The following ADSS2 variants were observed in gnomAD, a reference collection of about 807,000 sequenced individuals.
ADSS2 encodes adenylosuccinate synthase 2, also known as adenylosuccinate synthetase isozyme 2.
ADSS2 carries 30 observed loss-of-function variants against 60.0 expected under a neutral mutation model. The ratio of observed to expected loss-of-function variants is 0.50; its 90% confidence interval spans 0.37 to 0.68. The LOEUF is 0.68. ADSS2 is among the 30% of genes least tolerant of loss of function. ADSS2 has a pLI of 0.00. For synonymous variants in ADSS2, 187 were observed against 193.1 expected (o/e 0.97, Z 0.26); for missense variants, 373 against 554.8 (o/e 0.67, Z 3.29).
At chr1:244,445,953 T>C (rs1170496035) in intron 1 of ADSS2, among the ~76,000 whole-genome samples, 1 of 152,216 alleles carries the variant, frequency 6.6e-6, no homozygotes, top group Non-Finnish European at 1.5e-5. Flanking sequence ...CTTTGTCCTT[T>C]TGCTTTGAAT....
chr1:244,418,535 G>A (rs976339939), intron 9 of ADSS2, among the ~76,000 whole-genome samples: 6 of 152,012 alleles, frequency 3.9e-5, no homozygotes, highest in Admixed American at 2.6e-4. Context: ...TGCCCCAGCT[G>A]ATCTTGAACT....
At chr1:244,450,043 G>GT (rs1358566030) in intron 1 of ADSS2, among the ~76,000 whole-genome samples, 2 of 152,146 alleles carry the variant, frequency 1.3e-5, no homozygotes, top group Admixed American at 1.3e-4. Flanking sequence ...AGCTCAACCT[G>GT]AGCTATTTCC....
rs1360526795 is a variant in ADSS2 at position 244,444,339 on chromosome 1, CCCCG to C, written c.184-6575_184-6572del. ...GACCATCCCGGCTAAAACGGTGAAA[CCCCG>C]TCTCTACTAAAAATACAAAAAATTA... On this transcript the variant is annotated intron_variant, in intron 1 of 12. Transcript: ENST00000366535. Among the ~76,000 whole-genome samples the C allele has an allele frequency of 9.4e-3, 1,403 of 149,810 alleles. 31 individuals carry two copies. Among genetic ancestry groups the C allele is most frequent in the African/African-American group, 0.033 (1,334 of 40,744 alleles).
chr1:244,416,081 A>C lies in ADSS2; in HGVS notation c.1071-3T>G. 1 of 1,607,798 alleles carries C rather than the reference A, an allele frequency of 6.2e-7. No individual in the cohort carries two copies. The highest frequency in any genetic ancestry group is 8.5e-7 in the Non-Finnish European group (1 of 1,175,498). On this transcript the variant is annotated splice_polypyrimidine_tract_variant and splice_region_variant and intron_variant, in intron 10 of 12. Coordinates refer to ENST00000366535, the MANE Select transcript of ADSS2 (RefSeq NM_001126.5). ...TATCCAACTTGGTAAGTGCCAACCT[A>C]ATTTTGGAAGAAAAGGCAATGTTAA...
At chr1:244,425,414 T>G (rs1183045058) in intron 4 of ADSS2, among the ~76,000 whole-genome samples, 1 of 152,186 alleles carries the variant, frequency 6.6e-6, no homozygotes, top group Non-Finnish European at 1.5e-5. Context: ...ATAATTAAGT[T>G]GAAATGTGTA....
Position 244,451,838 on chromosome 1 carries a change from A to T in ADSS2, c.-21T>A. The T allele has an allele frequency of 2.6e-6, 4 of 1,551,382 alleles. No homozygotes were observed. The highest frequency in any genetic ancestry group is 3.5e-6 in the Non-Finnish European group (4 of 1,151,284). ...GCCATGGCTCCAGTGACGCGAGGAG[A>T]GCCCGAAGGAGAGGCGGCCGGCGAG... On this transcript the variant is annotated 5_prime_UTR_variant, in exon 1 of 13. Transcript: ENST00000366535. This position sits in a 1 kb window ranked among gnomAD's most constrained non-coding sequence, Gnocchi z 6.6.
In ADSS2 at chr1:244,415,963, T is replaced by A; in HGVS notation, c.1168+18A>T. ...TTCACCTTATAATATCCTTTAGATATTGCCTAAAAGAAAATACCTGGGATA... is the reference window on the plus strand; with the variant it reads ...TTCACCTTATAATATCCTTTAGATAATGCCTAAAAGAAAATACCTGGGATA... On this transcript the variant is annotated intron_variant, in intron 11 of 12. Transcript: ENST00000366535. 6.5e-7 allele frequency: 1 copy of A among 1,529,014 alleles called. No homozygotes were observed. The highest frequency in any genetic ancestry group is 9.0e-7 in the Non-Finnish European group (1 of 1,105,282). 94.7% of individuals were successfully genotyped at this position (1,529,014 alleles called of 1,614,324 possible).
chr1:244,420,262 T>C lies in ADSS2; in HGVS notation c.698A>G (p.Asp233Gly). 6.2e-7 allele frequency: 1 copy of C among 1,613,440 alleles called. No individual in the cohort carries two copies. The highest frequency in any genetic ancestry group is 2.2e-5 in the East Asian group (1 of 44,826). ...GGCCTCATATAGAAAATAAACTCCA[T>C]CTCTCACCATTGGTTTAATCTTTTC... The part of the protein sequence containing the change: ...YMEKIKPMVR[D>G]GVYFLYEALH... The change falls in exon 8 of 13, where the codon GAT becomes GGT. Residue 233 changes from aspartate to glycine, a missense_variant. Asp to Gly is a moderately conservative substitution (Grantham distance 94, BLOSUM62 -1). Coordinates refer to ENST00000366535, the MANE Select transcript of ADSS2 (RefSeq NM_001126.5).
Position 244,411,388 on chromosome 1 carries a change from G to A in ADSS2, c.1217C>T (p.Pro406Leu). Residue 406 changes from proline (P) to leucine (L), a missense_variant, in exon 12 of 13, where the codon CCA becomes CTA. Transcript: ENST00000366535. ...NKVEVQYKTLPGWNTDISNAR... is the reference protein window; with the variant it reads ...NKVEVQYKTLLGWNTDISNAR... ...ATTTGATATGTCTGTGTTCCATCCT[G>A]GGAGAGTCTTATATTGAACTTCAAC... is the stretch of plus-strand genomic sequence containing the variant. 1 of 1,613,482 alleles carries A rather than the reference G, an allele frequency of 6.2e-7. No homozygotes were observed. The highest frequency in any genetic ancestry group is 1.7e-5 in the Admixed American group (1 of 59,962).
chr1:244,450,346 T>C (rs567915591), intron 1 of ADSS2, among the ~76,000 whole-genome samples: 61 of 152,316 alleles, frequency 4.0e-4, no homozygotes, highest in Non-Finnish European at 5.4e-4. Flanking sequence ...GTAGTGACAG[T>C]TTCCTAAGAG....
Position 244,445,883 on chromosome 1 carries a change from C to T in ADSS2, c.183+5752G>A, listed in dbSNP as rs564434740. 3.9e-5 allele frequency among the ~76,000 whole-genome samples: 6 copies of T among 152,288 alleles called. No individual in the cohort carries two copies. In the East Asian group the frequency reaches 9.7e-4, roughly 25 times the overall value. On this transcript the variant is annotated intron_variant, in intron 1 of 12. Coordinates refer to ENST00000366535, the MANE Select transcript of ADSS2 (RefSeq NM_001126.5). ...ATACAGGCCCAAGTGTCAAGGGCTA[C>T]CAATTTCATGCACAAAGCCCAGAGG...
intron 1 of ADSS2, among the ~76,000 whole-genome samples, chr1:244,448,971 G>T (rs1230641363): frequency 6.6e-6 from 1 of 152,046 alleles, no homozygotes; most frequent in Non-Finnish European, 1.5e-5. Flanking sequence ...CCAGGGTTGG[G>T]CCTCTATTTA....
intron 4 of ADSS2, among the ~76,000 whole-genome samples, chr1:244,431,217 CA>C (rs1664936399): frequency 6.6e-6 from 1 of 152,030 alleles, no homozygotes; most frequent in Non-Finnish European, 1.5e-5. Flanking sequence ...AGCTAACAAA[CA>C]AAATATAAAT....
chr1:244,444,433 T>G (rs2148014158), intron 1 of ADSS2, among the ~76,000 whole-genome samples: 1 of 134,406 alleles, frequency 7.4e-6, no homozygotes, highest in East Asian at 2.1e-4. Flanking sequence ...GAGAATGGCG[T>G]GAACCCGGGA....
chr1:244,417,492 A>G (rs1664560573), intron 10 of ADSS2, 136 bp downstream of exon 10: 1 of 1,067,576 alleles, frequency 9.4e-7, no homozygotes, highest in Admixed American at 2.6e-5. Flanking sequence ...ATCTTGGTCT[A>G]CTTCTGCCTG....
At chr1:244,435,727 T>C (rs1665083438) in intron 3 of ADSS2, among the ~76,000 whole-genome samples, 1 of 152,228 alleles carries the variant, frequency 6.6e-6, no homozygotes, top group African/African-American at 2.4e-5. Flanking sequence ...ATTTATATGC[T>C]ACTGATGAGT....
chr1:244,419,031 T>G (rs1427653085), intron 8 of ADSS2, 117 bp from the exon 9 acceptor site: 2 of 915,174 alleles, frequency 2.2e-6, no homozygotes, highest in Admixed American at 6.4e-5. Context: ...AGATCTGAAC[T>G]GTAACTGCCC....
At chr1:244,419,521 T>C (rs986956810) in intron 8 of ADSS2, among the ~76,000 whole-genome samples, 2 of 152,206 alleles carry the variant, frequency 1.3e-5, no homozygotes, top group Non-Finnish European at 2.9e-5. Context: ...CAAAAATACA[T>C]ATCTACCATA....
chr1:244,444,276 G>C (rs1443208110), intron 1 of ADSS2, among the ~76,000 whole-genome samples: 1 of 151,694 alleles, frequency 6.6e-6, no homozygotes, highest in African/African-American at 2.4e-5. Context: ...AGCACTTTGG[G>C]AGGCCGAGGC....
Sources: gnomAD v4.1 joint callset for allele counts (sites outside exome capture counted in the v4.1 genomes callset) on GRCh38, gnomAD v4.1.1 for gene constraint, Gnocchi (gnomAD v3.1) non-coding constraint, MANE v1.5 for transcripts, NCBI Gene and HGNC (gene_info 2026-07-23, HGNC 2026-07-21) for gene names.